ANKRD12: variants seen among roughly 807,000 people sequenced by gnomAD.
The protein encoded by ANKRD12 is ankyrin repeat domain-containing protein 12.
ANKRD12 carries 85 observed loss-of-function variants against 183.4 expected under a neutral mutation model. The ratio of observed to expected loss-of-function variants is 0.46; its 90% CI spans 0.39 to 0.56. The LOEUF is 0.56. Ranked by LOEUF, ANKRD12 falls within the 20% of genes least tolerant of loss-of-function variation. The pLI, the probability that ANKRD12 is intolerant of heterozygous loss-of-function variation, is 0.00. For synonymous variants in ANKRD12, 914 were observed against 800.2 expected (o/e 1.14, Z -2.40); for missense variants, 2,405 against 2,357.1 (o/e 1.02, Z -0.42).
At chr18:9,197,109 T>G (rs1295501729) in intron 3 of ANKRD12, among the ~76,000 whole-genome samples, 1 of 152,340 alleles carries the variant, frequency 6.6e-6, no homozygotes, top group African/African-American at 2.4e-5. Context: ...GAATAAAGTT[T>G]CAAGATAATC....
chr18:9,154,263 A>G (rs1187170727), intron 1 of ANKRD12, among the ~76,000 whole-genome samples: 3 of 152,120 alleles, frequency 2.0e-5, no homozygotes, highest in Non-Finnish European at 2.9e-5. Flanking sequence ...CTCTACAAAA[A>G]ATACAAAAAT....
At chr18:9,224,019 G>A (rs1031081283) in intron 8 of ANKRD12, among the ~76,000 whole-genome samples, 2 of 152,092 alleles carry the variant, frequency 1.3e-5, no homozygotes, top group Non-Finnish European at 2.9e-5. Flanking sequence ...CGTTTTCTAA[G>A]TATTATATAA....
intron 1 of ANKRD12, among the ~76,000 whole-genome samples, chr18:9,168,091 T>C (rs1383451775): frequency 6.6e-6 from 1 of 152,226 alleles, no homozygotes; most frequent in Non-Finnish European, 1.5e-5. Context: ...GTGGATAAGC[T>C]TCTTGATGTG....
chr18:9,144,028 C>G (rs2078410819), intron 1 of ANKRD12, among the ~76,000 whole-genome samples: 1 of 152,098 alleles, frequency 6.6e-6, no homozygotes, highest in Non-Finnish European at 1.5e-5. Context: ...TGTTATTAAA[C>G]TTAAAAATTA....
intron 7 of ANKRD12, among the ~76,000 whole-genome samples, chr18:9,221,377 C>T (rs924630677): frequency 3.9e-5 from 6 of 152,054 alleles, no homozygotes; most frequent in African/African-American, 1.4e-4. Flanking sequence ...CTTAAAATTC[C>T]TGGGCTATGG....
At chr18:9,176,479 C>T (rs535107358) in intron 1 of ANKRD12, among the ~76,000 whole-genome samples, 53 of 151,748 alleles carry the variant, frequency 3.5e-4, no homozygotes, top group African/African-American at 1.0e-3. Flanking sequence ...TTTGTAGAGG[C>T]GGGGTTTCAC....
At chr18:9,180,083 TTATC>T (rs752332384) in intron 1 of ANKRD12, among the ~76,000 whole-genome samples, 5 of 152,134 alleles carry the variant, frequency 3.3e-5, no homozygotes, top group Non-Finnish European at 7.3e-5. Flanking sequence ...AGTTATGAAT[TTATC>T]TATTTTGTCT....
intron 8 of ANKRD12, among the ~76,000 whole-genome samples, chr18:9,227,659 A>G (rs1442679112): frequency 6.6e-6 from 1 of 152,206 alleles, no homozygotes; most frequent in African/African-American, 2.4e-5. Context: ...CCATGAGTTT[A>G]TTATGATGAT....
chr18:9,186,204 GA>G (rs2034050950), intron 2 of ANKRD12, among the ~76,000 whole-genome samples: 1 of 149,728 alleles, frequency 6.7e-6, no homozygotes, highest in Non-Finnish European at 1.5e-5. Context: ...GCAGTGGCGC[GA>G]AAAAGTGTGA....
chr18:9,270,828 C>A (rs1038438746), intron 10 of ANKRD12, among the ~76,000 whole-genome samples: 2 of 152,136 alleles, frequency 1.3e-5, no homozygotes, highest in African/African-American at 2.4e-5. Context: ...AAAAATGATA[C>A]ATCTTACTCG....
At chr18:9,158,997 T>C (rs1284675141) in intron 1 of ANKRD12, among the ~76,000 whole-genome samples, 1 of 152,244 alleles carries the variant, frequency 6.6e-6, no homozygotes, top group Admixed American at 6.5e-5. Context: ...ACTTTGCACC[T>C]GTATGCCTTT....
intron 1 of ANKRD12, among the ~76,000 whole-genome samples, chr18:9,153,874 A>G (rs368092932): frequency 2.6e-5 from 4 of 151,886 alleles, no homozygotes; most frequent in Non-Finnish European, 5.9e-5. Flanking sequence ...TGGCTTATCT[A>G]TTATATACCT....
intron 10 of ANKRD12, among the ~76,000 whole-genome samples, chr18:9,265,541 C>T (rs1157057961): frequency 6.6e-6 from 1 of 152,120 alleles, no homozygotes; most frequent in Non-Finnish European, 1.5e-5. Context: ...CAGCAAACTC[C>T]AACAGACCTG....
chr18:9,279,680 T>C, intron 12 of ANKRD12, 36 bp downstream of exon 12: 1 of 1,193,328 alleles, frequency 8.4e-7, no homozygotes, highest in Non-Finnish European at 1.2e-6. Context: ...AATGAATGCT[T>C]CCCCCTTCTT....
intron 8 of ANKRD12, among the ~76,000 whole-genome samples, chr18:9,243,644 A>G (rs191013477): frequency 1.3e-5 from 2 of 152,340 alleles, no homozygotes; most frequent in African/African-American, 4.8e-5. Flanking sequence ...TCAAGATAAT[A>G]TATGATTACT....
chr18:9,245,511 C>G (rs2037909562), intron 8 of ANKRD12, among the ~76,000 whole-genome samples: 2 of 152,072 alleles, frequency 1.3e-5, no homozygotes, highest in Admixed American at 1.3e-4. Flanking sequence ...TGTTTAAGGT[C>G]AAGGCATGAC....
At chr18:9,143,444 A>C (rs1404919730) in intron 1 of ANKRD12, among the ~76,000 whole-genome samples, 8 of 152,176 alleles carry the variant, frequency 5.3e-5, no homozygotes, top group African/African-American at 1.9e-4. Flanking sequence ...ACATCTCAGG[A>C]GTGAAGAGCA....
chr18:9,190,751 A>G (rs2034401760), intron 2 of ANKRD12, among the ~76,000 whole-genome samples: 1 of 152,256 alleles, frequency 6.6e-6, no homozygotes, highest in Non-Finnish European at 1.5e-5. Context: ...AGCATATTTT[A>G]GTATATTTAG....
intron 8 of ANKRD12, among the ~76,000 whole-genome samples, chr18:9,244,049 A>G (rs1205610698): frequency 6.6e-6 from 1 of 152,150 alleles, no homozygotes; most frequent in Non-Finnish European, 1.5e-5. Context: ...CAGGAGAATC[A>G]CTGGAACCTG....
Sources: allele counts gnomAD v4.1 joint callset (sites outside exome capture counted in the v4.1 genomes callset), GRCh38; gene constraint gnomAD v4.1.1; transcripts MANE v1.5; gene names NCBI Gene and HGNC (gene_info 2026-07-23, HGNC 2026-07-21).